Variants in RCOR1 observed in about 807,000 individuals in gnomAD.
RCOR1 encodes REST corepressor 1, also known as REST corepressor.
RCOR1 carries 12 observed loss-of-function variants against 64.0 expected under a neutral mutation model. That is an observed-to-expected ratio of 0.19 (90% CI 0.12 to 0.30). RCOR1 has a LOEUF of 0.30. Among genes scored for constraint, RCOR1 ranks in the 10% least tolerant of loss-of-function variants. The probability of loss-of-function intolerance (pLI) is 1.00; values close to 1 mark genes in which losing one functional copy is unlikely to be tolerated. For synonymous variants in RCOR1, 279 were observed against 227.2 expected (o/e 1.23, Z -2.05); for missense variants, 502 against 621.2 (o/e 0.81, Z 2.04).
chr14:102,642,284 G>A (rs1417189501), intron 2 of RCOR1, among the ~76,000 whole-genome samples: 1 of 152,170 alleles, frequency 6.6e-6, no homozygotes, highest in Admixed American at 6.5e-5. Context: ...ATTAGTGTAA[G>A]TTGTATTCAG....
At chr14:102,630,243 C>CTCT (rs1284055374) in intron 2 of RCOR1, among the ~76,000 whole-genome samples, 1 of 152,146 alleles carries the variant, frequency 6.6e-6, no homozygotes, top group Non-Finnish European at 1.5e-5. Context: ...TGGCGCCTCT[C>CTCT]TCTTGCTGCT....
intron 3 of RCOR1, among the ~76,000 whole-genome samples, chr14:102,691,919 TAGA>T (rs1447355757): frequency 6.6e-6 from 1 of 152,252 alleles, no homozygotes; most frequent in Non-Finnish European, 1.5e-5. Flanking sequence ...GATGCCCATC[TAGA>T]ATATATATGC....
chr14:102,666,461 T>C (rs1184026339), intron 2 of RCOR1, among the ~76,000 whole-genome samples: 3 of 152,210 alleles, frequency 2.0e-5, no homozygotes, highest in Admixed American at 1.3e-4. Context: ...AATTAGTGAT[T>C]GATTGATTTG....
intron 2 of RCOR1, 49 bp downstream of exon 2, chr14:102,593,374 G>A (rs1893175012): frequency 2.7e-6 from 4 of 1,468,186 alleles, no homozygotes; most frequent in Admixed American, 5.5e-5. Context: ...CGGGAGCCCC[G>A]GGTCCCCGGC....
At chr14:102,683,127 T>C (rs552947766) in intron 3 of RCOR1, among the ~76,000 whole-genome samples, 1 of 152,352 alleles carries the variant, frequency 6.6e-6, no homozygotes, top group East Asian at 1.9e-4. Context: ...AATTGATTTT[T>C]AAACAGTGGT....
chr14:102,663,054 T>C (rs901450062), intron 2 of RCOR1, among the ~76,000 whole-genome samples: 1 of 152,154 alleles, frequency 6.6e-6, no homozygotes, highest in African/African-American at 2.4e-5. Context: ...GGTAGATAAT[T>C]GAATCATGAG....
At chr14:102,670,865 C>A (rs1323428987) in intron 2 of RCOR1, among the ~76,000 whole-genome samples, 1 of 151,092 alleles carries the variant, frequency 6.6e-6, no homozygotes. Context: ...CCTCTGCCTC[C>A]CGGGTTCAAG....
intron 2 of RCOR1, among the ~76,000 whole-genome samples, chr14:102,667,751 G>A (rs1254798788): frequency 6.6e-6 from 1 of 151,900 alleles, no homozygotes; most frequent in African/African-American, 2.4e-5. Context: ...GTGTGTGCTC[G>A]AGTGCTAGTA....
rs1382214753 is a variant in RCOR1, at chr14:102,653,961, TTCTTTCTTTCTTTCTTTCTTTC to T, written c.362-27932_362-27911del. ...TTTCTTTCTTTCTTTCTTTCTTTCT[TTCTTTCTTTCTTTCTTTCTTTC>T]TTTTTTTTTTTTTTTTTTTTGAGAC... On this transcript the variant is annotated intron_variant, in intron 2 of 11. Coordinates refer to ENST00000262241, the MANE Select transcript of RCOR1 (RefSeq NM_015156.4). Among the ~76,000 whole-genome samples the T allele has an allele frequency of 6.1e-3, 342 of 56,358 alleles. 18 individuals carry two copies. The highest frequency in any genetic ancestry group is 0.013 in the African/African-American group (98 of 7,294). 37.0% of individuals were successfully genotyped at this position (56,358 alleles called of 152,430 possible). A position where few individuals can be genotyped will look rare whatever the true frequency, so the allele number is the denominator to read the frequency against.
intron 3 of RCOR1, among the ~76,000 whole-genome samples, chr14:102,698,114 A>T (rs1895682775): frequency 6.6e-6 from 1 of 152,246 alleles, no homozygotes; most frequent in Non-Finnish European, 1.5e-5. Context: ...ATATAACCTC[A>T]GCTGCAGCAT....
chr14:102,622,791 A>T (rs190440659), intron 2 of RCOR1, among the ~76,000 whole-genome samples: 1 of 151,990 alleles, frequency 6.6e-6, no homozygotes, highest in South Asian at 2.1e-4. Context: ...CTTTGTTGCC[A>T]TTTCTTTACT....
At chr14:102,714,137 A>T (rs893193138) in intron 7 of RCOR1, among the ~76,000 whole-genome samples, 1 of 152,208 alleles carries the variant, frequency 6.6e-6, no homozygotes, top group Non-Finnish European at 1.5e-5. Flanking sequence ...TTTCTATATT[A>T]CTAGAGGAAG....
intron 2 of RCOR1, among the ~76,000 whole-genome samples, chr14:102,677,177 C>A (rs1595225486): frequency 7.0e-6 from 1 of 142,764 alleles, no homozygotes; most frequent in African/African-American, 2.6e-5. Context: ...CCCCACCTCC[C>A]TCCCGGACGG....
rs146706648 is a variant in RCOR1 at position 102,722,346 on chromosome 14, A to G, written c.1349A>G (p.Asn450Ser). The change falls in exon 11 of 12, where the codon AAT becomes AGT. Residue 450 changes from asparagine (N) to serine (S), a missense_variant. Asn to Ser is a conservative substitution (Grantham distance 46, BLOSUM62 1). Coordinates refer to ENST00000262241, the MANE Select transcript of RCOR1 (RefSeq NM_015156.4). The part of the protein sequence containing the change: ...WEAEHGKEET[N>S]GPSNQKPVKS... ...GCAGAACATGGTAAAGAAGAGACCA[A>G]TGGGCCCAGTAACCAGAAGCCTGTG... is the stretch of plus-strand genomic sequence containing the variant. The G allele has an allele frequency of 6.8e-4, 1,100 of 1,614,166 alleles. 10 individuals carry two copies. In the Admixed American group the frequency reaches 0.015, roughly 23 times the overall value.
intron 4 of RCOR1, among the ~76,000 whole-genome samples, chr14:102,703,691 T>G (rs1307133781): frequency 6.6e-6 from 1 of 152,210 alleles, no homozygotes; most frequent in Non-Finnish European, 1.5e-5. Flanking sequence ...ACAGTGGAGC[T>G]GAACTTGCCA....
intron 2 of RCOR1, among the ~76,000 whole-genome samples, chr14:102,624,785 A>G (rs532145791): frequency 2.6e-5 from 4 of 152,150 alleles, no homozygotes; most frequent in African/African-American, 9.6e-5. Flanking sequence ...AAAAAAAAAA[A>G]AGCATTACTT....
At chr14:102,630,958 G>A (rs533913307) in intron 2 of RCOR1, among the ~76,000 whole-genome samples, 3 of 152,112 alleles carry the variant, frequency 2.0e-5, no homozygotes, top group Non-Finnish European at 2.9e-5. Flanking sequence ...GTAGTCTCAC[G>A]ACCTCTCCTT....
At chr14:102,650,600 G>C (rs1018545217) in intron 2 of RCOR1, among the ~76,000 whole-genome samples, 2 of 152,212 alleles carry the variant, frequency 1.3e-5, no homozygotes, top group South Asian at 4.1e-4. Context: ...GAAGTCAGAC[G>C]TGAAAGTTGT....
intron 2 of RCOR1, among the ~76,000 whole-genome samples, chr14:102,649,052 A>G (rs1567421210): frequency 1.4e-5 from 2 of 145,748 alleles, no homozygotes; most frequent in African/African-American, 5.1e-5. Context: ...AGAAAACCAA[A>G]CAAGCAAAAA....
Sources: gnomAD v4.1 joint callset for allele counts (sites outside exome capture counted in the v4.1 genomes callset) on GRCh38, gnomAD v4.1.1 for gene constraint, MANE v1.5 for transcripts, NCBI Gene and HGNC (gene_info 2026-07-23, HGNC 2026-07-21) for gene names.